Variants in MEF2D observed in about 807,000 individuals in gnomAD.
MEF2D encodes the protein myocyte-specific enhancer factor 2D.
A neutral mutation model predicts 59.3 loss-of-function variants in MEF2D; 10 were observed. That is an observed-to-expected ratio of 0.17 (90% confidence interval 0.10 to 0.29). MEF2D has a LOEUF of 0.29. Ranked by LOEUF, MEF2D falls within the 10% of genes least tolerant of loss-of-function variation. The pLI is 1.00. For missense variants in MEF2D, 508 were observed against 699.4 expected (o/e 0.73, Z 3.09); for synonymous variants, 305 against 295.0 (o/e 1.03, Z -0.35).
At position 156,482,410 on chromosome 1, in the gene MEF2D, T is replaced by A. The variant is rs781773934; in HGVS notation, c.258+27A>T. 1.2e-5 allele frequency: 20 copies of A among 1,612,478 alleles called. No homozygotes were observed. In the South Asian group the frequency reaches 2.1e-4, roughly 17 times the overall value. On this transcript the variant is annotated intron_variant, in intron 3 of 11. Coordinates refer to ENST00000348159, the MANE Select transcript of MEF2D (RefSeq NM_005920.4). ...CCATGTGGATGCAGGCGGGGGTATA[T>A]CCTGGTGCCTGTGTGTATGGGCCCA...
chr1:156,467,513 T>C lies in MEF2D; in HGVS notation c.*132A>G. The C allele has an allele frequency of 2.0e-6, 1 of 505,976 alleles. No individual in the cohort carries two copies. Among genetic ancestry groups the C allele is most frequent in the Non-Finnish European group, 3.4e-6 (1 of 294,712 alleles). The allele number at this position is 505,976 out of a possible 1,614,324, so 31.3% of individuals were successfully genotyped here. Reference sequence around the variant, plus strand: ...ATAATATAATAATTATACACAAATGTAACCGTCAACAGGACACGAAGCACA... The same window carrying C: ...ATAATATAATAATTATACACAAATGCAACCGTCAACAGGACACGAAGCACA... On this transcript the variant is annotated 3_prime_UTR_variant, in exon 12 of 12. Coordinates refer to ENST00000348159, the MANE Select transcript of MEF2D (RefSeq NM_005920.4).
intron 1 of MEF2D, among the ~76,000 whole-genome samples, chr1:156,495,578 C>A (rs904102057): frequency 6.6e-6 from 1 of 151,652 alleles, no homozygotes; most frequent in Non-Finnish European, 1.5e-5. Context: ...AGGCTGAGGC[C>A]GGAGGATCGC....
chr1:156,485,846 C>CT (rs977417772), intron 1 of MEF2D, among the ~76,000 whole-genome samples: 158 of 149,074 alleles, frequency 1.1e-3, no homozygotes, highest in Middle Eastern at 3.5e-3. Context: ...ATTTTTTTGA[C>CT]TTTTTTTTTC....
intron 8 of MEF2D, among the ~76,000 whole-genome samples, chr1:156,475,610 C>T (rs535623164): frequency 1.3e-5 from 2 of 152,376 alleles, no homozygotes; most frequent in African/African-American, 2.4e-5. Flanking sequence ...GCACACGCCC[C>T]GGCAGAGGCG....
chr1:156,483,068 C>T (rs1672123111), intron 2 of MEF2D, among the ~76,000 whole-genome samples, 171 bp downstream of exon 2: 1 of 152,146 alleles, frequency 6.6e-6, no homozygotes, highest in Non-Finnish European at 1.5e-5. Flanking sequence ...CGCAGAGCTC[C>T]AAGAGCTGCG....
chr1:156,500,425 C>G (rs1447960226), intron 1 of MEF2D, 61 bp downstream of exon 1: 1 of 152,370 alleles, frequency 6.6e-6, no homozygotes, highest in Non-Finnish European at 1.5e-5. Context: ...ACCCCAACCC[C>G]TGGACCGGGT....
In MEF2D at chr1:156,477,174, G is replaced by A. The variant is rs1281512973; in HGVS notation, c.693C>T (p.Ser231=). 1.9e-6 allele frequency: 3 copies of A among 1,611,266 alleles called. No individual in the cohort carries two copies. Among genetic ancestry groups the A allele is most frequent in the Non-Finnish European group, 8.5e-7 (1 of 1,178,416 alleles). The change falls in exon 7 of 12, where the codon TCC becomes TCT. Residue 231 remains serine (S), a synonymous_variant. Transcript: ENST00000348159. ...CATTGGCCACAGGGAGGAGGCCAGG[G>A]GAAGCCCGAGCACTGACGTAGCCAT... ...VGNGYVSARA[S]PGLLPVANGN...
Position 156,482,440 on chromosome 1 carries a change from G to A in MEF2D, c.255C>T (p.Ile85=), listed in dbSNP as rs762512599. 1.7e-5 allele frequency: 27 copies of A among 1,613,906 alleles called. No individual in the cohort carries two copies. Among genetic ancestry groups the A allele is most frequent in the Non-Finnish European group, 2.1e-5 (25 of 1,180,014 alleles). The change falls in exon 3 of 12, where the codon ATC becomes ATT. Residue 85 remains isoleucine (I), a synonymous_variant. Coordinates refer to ENST00000348159, the MANE Select transcript of MEF2D (RefSeq NM_005920.4). ...PHESRTNADI[I]ETLRKKGFNG... ...GTGCCTGTGTGTATGGGCCCACCTC[G>A]ATGATGTCGGCGTTGGTGCGGCTCT...
At position 156,495,762 on chromosome 1, in the gene MEF2D, C is replaced by CAA. The variant is rs372092331; in HGVS notation, c.-139+4722_-139+4723dup. Among the ~76,000 whole-genome samples, 38 of 78,014 alleles carry CAA rather than the reference C, an allele frequency of 4.9e-4. 3 individuals carry two copies. The highest frequency in any genetic ancestry group is 1.8e-3 in the African/African-American group (33 of 18,664). 51.2% of individuals were successfully genotyped at this position (78,014 alleles called of 152,430 possible). A position where few individuals can be genotyped will look rare whatever the true frequency, so the allele number is the denominator to read the frequency against. Reference sequence around the variant, plus strand: ...GGGTAAAGCTCCTTTGACCAGGGGGCAAAAAAAAAAAAAAAAGCTCCCTCT... The same window carrying CAA: ...GGGTAAAGCTCCTTTGACCAGGGGGCAAAAAAAAAAAAAAAAAAGCTCCCTCT... On this transcript the variant is annotated intron_variant, in intron 1 of 11. Transcript: ENST00000348159.
chr1:156,498,118 A>C (rs996345433), intron 1 of MEF2D, among the ~76,000 whole-genome samples: 11 of 151,042 alleles, frequency 7.3e-5, no homozygotes, highest in South Asian at 2.1e-4. Flanking sequence ...AAAAAAAAAA[A>C]AAAAAAAAAC....
At chr1:156,484,298 C>G (rs1223615783) in intron 1 of MEF2D, 1 of 152,168 alleles carries the variant, frequency 6.6e-6, no homozygotes, top group Admixed American at 6.5e-5. Flanking sequence ...AATTTTTGGG[C>G]CAGATAGTAA....
At chr1:156,470,183 G>A (rs1671144386) in intron 9 of MEF2D, among the ~76,000 whole-genome samples, 1 of 152,222 alleles carries the variant, frequency 6.6e-6, no homozygotes, top group Non-Finnish European at 1.5e-5. Context: ...GCTGTATCCT[G>A]TTTGGGACAG....
Position 156,477,191 on chromosome 1 carries a change from C to T in MEF2D, c.676G>A (p.Val226Ile), listed in dbSNP as rs749838249. ...ACPSPVGNGY[V>I]SARASPGLLP... ...AGGCCAGGGGAAGCCCGAGCACTGACGTAGCCATTCCCTGGAGAAGTGACA... is the reference window on the plus strand; with the variant it reads ...AGGCCAGGGGAAGCCCGAGCACTGATGTAGCCATTCCCTGGAGAAGTGACA... Residue 226 changes from valine to isoleucine, a missense_variant, in exon 7 of 12, where the codon GTC (valine) becomes ATC (isoleucine). Physicochemically the swap from Val to Ile is conservative, Grantham distance 29. Around this residue, in one of 2 missense-constraint regions of MEF2D, gnomAD observed 481 missense variants for 584.7 expected, o/e 0.82. Coordinates refer to ENST00000348159, the MANE Select transcript of MEF2D (RefSeq NM_005920.4). The T allele has an allele frequency of 3.2e-5, 52 of 1,601,970 alleles. 1 individual carries two copies. Among genetic ancestry groups the T allele is most frequent in the South Asian group, 2.6e-4 (23 of 89,708 alleles).
At chr1:156,486,185 C>A (rs1441116284) in intron 1 of MEF2D, among the ~76,000 whole-genome samples, 1 of 152,148 alleles carries the variant, frequency 6.6e-6, no homozygotes, top group Non-Finnish European at 1.5e-5. Context: ...AGTGGCCCAG[C>A]AGACACCTGA....
chr1:156,481,005 A>C, intron 3 of MEF2D, 34 bp from the exon 4 acceptor site: 1 of 1,610,454 alleles, frequency 6.2e-7, no homozygotes, highest in Non-Finnish European at 8.5e-7. Flanking sequence ...GCTGGGTGAG[A>C]GTCCTTCCCG....
chr1:156,479,489 G>T (rs1387797497), intron 5 of MEF2D, 97 bp downstream of exon 5: 15 of 1,498,572 alleles, frequency 1.0e-5, no homozygotes, highest in Non-Finnish European at 1.4e-5. Context: ...GGAATGCTGT[G>T]GTGGGTGAAG....
At chr1:156,480,222 T>A (rs1671905118) in intron 4 of MEF2D, among the ~76,000 whole-genome samples, 1 of 152,264 alleles carries the variant, frequency 6.6e-6, no homozygotes, top group East Asian at 1.9e-4. Context: ...TCCACCCATC[T>A]GGCCTGCTGC....
At chr1:156,488,782 C>T (rs1442156231) in intron 1 of MEF2D, among the ~76,000 whole-genome samples, 2 of 152,128 alleles carry the variant, frequency 1.3e-5, no homozygotes, top group Non-Finnish European at 2.9e-5. Context: ...GTGGGGAGAG[C>T]GGTGAAGGGG....
rs1365262256 is a variant in MEF2D, at chr1:156,490,466, G to A, written c.-138-7036C>T. 2.0e-5 allele frequency: 3 copies of A among 152,268 alleles called. No individual in the cohort carries two copies. The East Asian group carries it at 5.8e-4, about 29-fold the overall frequency. 9.4% of individuals were successfully genotyped at this position (152,268 alleles called of 1,614,324 possible). ...CCCCAGTCCAGCAGCCTCAGGGCTGGGCAGGGGCTATTTTTAGCCTGGGCA... is the reference window on the plus strand; with the variant it reads ...CCCCAGTCCAGCAGCCTCAGGGCTGAGCAGGGGCTATTTTTAGCCTGGGCA... On this transcript the variant is annotated intron_variant, in intron 1 of 11. Transcript: ENST00000348159.
Sources: allele counts gnomAD v4.1 joint callset (sites outside exome capture counted in the v4.1 genomes callset), GRCh38; gene constraint gnomAD v4.1.1; regional missense constraint gnomAD v4.1.1; transcripts MANE v1.5; gene names NCBI Gene and HGNC (gene_info 2026-07-23, HGNC 2026-07-21).